RALYL: variants seen among roughly 807,000 people sequenced by gnomAD.
The protein encoded by RALYL is RNA-binding Raly-like protein.
A neutral mutation model predicts 35.1 loss-of-function variants in RALYL; 29 were observed. The ratio of observed to expected loss-of-function variants is 0.83; its 90% confidence interval spans 0.61 to 1.13. The LOEUF is 1.13. RALYL is among the 50% of genes most tolerant of loss of function. The pLI is 0.00. For missense variants in RALYL, 359 were observed against 360.4 expected, an observed-to-expected ratio of 1.00 and a Z score of 0.03; for synonymous variants, 120 against 127.6, an observed-to-expected ratio of 0.94 and a Z score of 0.40.
rs1837269109 is a variant in RALYL at position 84,688,342 on chromosome 8, TGTA to T, written c.257-86233_257-86231del. ...ATAATTTCAAAATATACTACAATGT[TGTA>T]GTAATCGAAACAGCCTGATGCTGGC... On this transcript the variant is annotated intron_variant, in intron 2 of 8. Transcript: ENST00000521268. 2.0e-5 allele frequency among the ~76,000 whole-genome samples: 3 copies of T among 152,082 alleles called. No individual in the cohort carries two copies. The South Asian group carries it at 6.2e-4, about 31-fold the overall frequency.
chr8:84,804,792 C>A lies in RALYL; in HGVS notation c.355C>A (p.Leu119Met). Residue 119 changes from leucine (L) to methionine (M), a missense_variant, in exon 4 of 9, where the codon CTG (leucine) becomes ATG (methionine). By Grantham distance (15) the Leu-to-Met change is conservative. Transcript: ENST00000521268. ...LYRLESKEPF[L>M]SVGGYVFDYD... is the part of the protein sequence containing the mutation. The stretch of plus-strand genomic sequence containing the variant: ...TAGACTTGAATCAAAGGAACCTTTC[C>A]TGTCTGTTGGGTAAGTATATATTTA... The A allele has an allele frequency of 8.6e-7, 1 of 1,165,326 alleles. No individual in the cohort carries two copies. Among genetic ancestry groups the A allele is most frequent in the Non-Finnish European group, 1.1e-6 (1 of 887,558 alleles). 72.2% of individuals were successfully genotyped at this position (1,165,326 alleles called of 1,614,324 possible).
At chr8:84,201,212 G>A (rs1206049190) in intron 1 of RALYL, among the ~76,000 whole-genome samples, 3 of 150,076 alleles carry the variant, frequency 2.0e-5, no homozygotes, top group Non-Finnish European at 3.0e-5. Context: ...AACATGAATA[G>A]AAAGAAATAC....
chr8:84,220,619 A>G (rs982656065), intron 1 of RALYL, among the ~76,000 whole-genome samples: 2 of 152,040 alleles, frequency 1.3e-5, no homozygotes, highest in Non-Finnish European at 2.9e-5. Context: ...TTTTATGTAC[A>G]TATAATAACC....
At chr8:84,461,023 G>A (rs886710704) in intron 1 of RALYL, among the ~76,000 whole-genome samples, 1 of 151,462 alleles carries the variant, frequency 6.6e-6, no homozygotes, top group South Asian at 2.1e-4. Context: ...TGGATTGCAA[G>A]CAATTTTTAT....
At chr8:84,496,436 C>T (rs1403928598) in intron 1 of RALYL, among the ~76,000 whole-genome samples, 1 of 152,090 alleles carries the variant, frequency 6.6e-6, no homozygotes, top group Admixed American at 6.6e-5. Context: ...ATTTACACAA[C>T]TGACAGGATA....
At chr8:84,672,576 A>G (rs1833475002) in intron 2 of RALYL, among the ~76,000 whole-genome samples, 1 of 152,178 alleles carries the variant, frequency 6.6e-6, no homozygotes, top group African/African-American at 2.4e-5. Context: ...GGTAATTTAT[A>G]AAGAAAAAGA....
chr8:84,523,181 C>T (rs778010245), intron 1 of RALYL, among the ~76,000 whole-genome samples: 35 of 152,234 alleles, frequency 2.3e-4, no homozygotes, highest in Admixed American at 4.6e-4. Context: ...CGCAGTTCCA[C>T]ATGGCTGGGG....
At chr8:84,913,205 T>C (rs10046686) in intron 8 of RALYL, among the ~76,000 whole-genome samples, 9 of 151,736 alleles carry the variant, frequency 5.9e-5, no homozygotes, top group Non-Finnish European at 1.3e-4. Flanking sequence ...TTATCAAAGT[T>C]CAGTCTAGTC....
At chr8:84,368,842 C>A (rs2131385540) in intron 1 of RALYL, among the ~76,000 whole-genome samples, 1 of 152,106 alleles carries the variant, frequency 6.6e-6, no homozygotes, top group Non-Finnish European at 1.5e-5. Context: ...AGTCAGCAAC[C>A]CATAATCAAA....
intron 1 of RALYL, among the ~76,000 whole-genome samples, chr8:84,251,121 T>C (rs1206075312): frequency 1.3e-5 from 2 of 152,136 alleles, no homozygotes; most frequent in African/African-American, 4.8e-5. Context: ...AATGCCTTTT[T>C]TACTTCCTAC....
intron 2 of RALYL, among the ~76,000 whole-genome samples, chr8:84,735,813 A>T (rs943978258): frequency 0.062 from 5,051 of 81,442 alleles, 138 homozygotes; most frequent in African/African-American, 0.063. Flanking sequence ...CCAAACCGCG[A>T]GAGAGAGAGA....
At chr8:84,186,547 A>C (rs1225653001) in intron 1 of RALYL, among the ~76,000 whole-genome samples, 3 of 152,190 alleles carry the variant, frequency 2.0e-5, no homozygotes, top group African/African-American at 7.2e-5. Context: ...TTTCATTAAG[A>C]GAATCAGTTG....
intron 4 of RALYL, among the ~76,000 whole-genome samples, chr8:84,805,982 T>C (rs1371926759): frequency 6.6e-6 from 1 of 152,196 alleles, no homozygotes; most frequent in Non-Finnish European, 1.5e-5. Flanking sequence ...TGATGCTTAA[T>C]GACCAGAAAC....
At chr8:84,515,966 A>G (rs1335553996) in intron 1 of RALYL, among the ~76,000 whole-genome samples, 1 of 151,234 alleles carries the variant, frequency 6.6e-6, no homozygotes, top group Non-Finnish European at 1.5e-5. Flanking sequence ...TCAAATGATA[A>G]AAAGAATATA....
At chr8:84,776,171 T>C (rs1245174334) in intron 3 of RALYL, among the ~76,000 whole-genome samples, 2 of 152,136 alleles carry the variant, frequency 1.3e-5, no homozygotes, top group African/African-American at 2.4e-5. Context: ...CTGGAGCACT[T>C]TCCTTGTTTT....
At position 84,370,118 on chromosome 8, in the gene RALYL, T is replaced by C. The variant is rs946524155; in HGVS notation, c.-23-159181T>C. Reference sequence around the variant, plus strand: ...AATAATTTTAGTCCTTGCACCATTTTGTTTCTAAGGGCAGGTATACAATTT... The same window carrying C: ...AATAATTTTAGTCCTTGCACCATTTCGTTTCTAAGGGCAGGTATACAATTT... On this transcript the variant is annotated intron_variant, in intron 1 of 8. Coordinates refer to ENST00000521268, the MANE Select transcript of RALYL (RefSeq NM_173848.7). 2.6e-5 allele frequency among the ~76,000 whole-genome samples: 4 copies of C among 152,176 alleles called. No homozygotes were observed. The East Asian group carries it at 7.7e-4, about 29-fold the overall frequency.
intron 4 of RALYL, among the ~76,000 whole-genome samples, chr8:84,826,638 G>C (rs930804109): frequency 6.6e-6 from 1 of 151,958 alleles, no homozygotes; most frequent in Non-Finnish European, 1.5e-5. Context: ...GTTGACATTT[G>C]ACATGCCCAG....
At chr8:84,328,468 T>A (rs2130633983) in intron 1 of RALYL, among the ~76,000 whole-genome samples, 1 of 152,300 alleles carries the variant, frequency 6.6e-6, no homozygotes, top group South Asian at 2.1e-4. Flanking sequence ...ATTTCACATG[T>A]CAACAGCAAT....
intron 1 of RALYL, among the ~76,000 whole-genome samples, chr8:84,477,196 A>G (rs2053526997): frequency 6.6e-6 from 1 of 152,012 alleles, no homozygotes; most frequent in Non-Finnish European, 1.5e-5. Context: ...TGTATTCATC[A>G]TTTTGACTTA....
Sources: gnomAD v4.1 joint callset for allele counts (sites outside exome capture counted in the v4.1 genomes callset) on GRCh38, gnomAD v4.1.1 for gene constraint, MANE v1.5 for transcripts, NCBI Gene and HGNC (gene_info 2026-07-23, HGNC 2026-07-21) for gene names.